Variants in SLC9C2 observed in about 807,000 individuals in gnomAD.
SLC9C2 encodes the protein sodium/hydrogen exchanger 11.
A neutral mutation model predicts 140.2 loss-of-function variants in SLC9C2; 75 were observed. That is an observed-to-expected ratio of 0.53 (90% CI 0.44 to 0.65). The LOEUF is 0.65. Among genes scored for constraint, SLC9C2 ranks in the 30% least tolerant of loss-of-function variants. The pLI is 0.00. For missense variants in SLC9C2, 1,074 were observed against 1,331.8 expected, an observed-to-expected ratio of 0.81 and a Z score of 3.01; for synonymous variants, 375 against 420.9, an observed-to-expected ratio of 0.89 and a Z score of 1.34.
intron 17 of SLC9C2, among the ~76,000 whole-genome samples, chr1:173,532,967 A>C (rs1348314401): frequency 2.0e-5 from 3 of 152,186 alleles, no homozygotes; most frequent in Non-Finnish European, 4.4e-5. Context: ...GCTGATAAGT[A>C]CTGTGGGGCA....
chr1:173,551,198 A>C (rs758046733), intron 11 of SLC9C2, among the ~76,000 whole-genome samples: 1 of 152,144 alleles, frequency 6.6e-6, no homozygotes, highest in African/African-American at 2.4e-5. Flanking sequence ...CTCCTTCAAC[A>C]TTATCCTTCC....
Position 173,537,014 on chromosome 1 carries a change from T to C in SLC9C2, c.1583A>G (p.Asn528Ser). Reference sequence around the variant, plus strand: ...GGCTGCCTCTATTTCAAGAATTCCATTGTTACGCTGTTTTTCAAAGCTACT... The same window carrying C: ...GGCTGCCTCTATTTCAAGAATTCCACTGTTACGCTGTTTTTCAAAGCTACT... The part of the protein sequence containing the change: ...QMSSFEKQRN[N>S]GILEIEAARI... Residue 528 changes from asparagine (N) to serine (S), a missense_variant, in exon 14 of 28, where the codon AAT becomes AGT. Coordinates refer to ENST00000367714, the MANE Select transcript of SLC9C2 (RefSeq NM_178527.4). The C allele has an allele frequency of 6.2e-7, 1 of 1,613,746 alleles. No individual in the cohort carries two copies. The highest frequency in any genetic ancestry group is 8.5e-7 in the Non-Finnish European group (1 of 1,179,776).
intron 14 of SLC9C2, among the ~76,000 whole-genome samples, chr1:173,536,404 T>A (rs891916270): frequency 6.6e-6 from 1 of 152,180 alleles, no homozygotes; most frequent in African/African-American, 2.4e-5. Context: ...TCATCTATTA[T>A]CTAATGTTTG....
At chr1:173,560,408 T>A (rs1664029709) in intron 9 of SLC9C2, among the ~76,000 whole-genome samples, 2 of 152,194 alleles carry the variant, frequency 1.3e-5, no homozygotes, top group African/African-American at 4.8e-5. Flanking sequence ...CCTGCCCTAC[T>A]CAAAGTTGTT....
chr1:173,546,178 A>G (rs1662834462), intron 13 of SLC9C2, among the ~76,000 whole-genome samples: 3 of 152,210 alleles, frequency 2.0e-5, no homozygotes, highest in Admixed American at 2.0e-4. Context: ...TCAAACTCTG[A>G]GAATATGTTA....
chr1:173,520,030 C>G (rs1660696586), intron 22 of SLC9C2, among the ~76,000 whole-genome samples: 2 of 152,048 alleles, frequency 1.3e-5, no homozygotes. Flanking sequence ...ATCCTGTAAT[C>G]CCAGCTACTT....
intron 24 of SLC9C2, among the ~76,000 whole-genome samples, chr1:173,508,624 G>A (rs1659818642): frequency 6.6e-6 from 1 of 152,106 alleles, no homozygotes; most frequent in South Asian, 2.1e-4. Context: ...AACCTGACTG[G>A]CTTGTATGAC....
intron 8 of SLC9C2, 120 bp downstream of exon 8, chr1:173,576,541 T>C (rs1665189986): frequency 1.7e-6 from 1 of 589,526 alleles, no homozygotes; most frequent in African/African-American, 1.9e-5. Context: ...ATAGCAAAAA[T>C]AAAATTTTCA....
At chr1:173,555,538 G>A (rs559720718) in intron 10 of SLC9C2, among the ~76,000 whole-genome samples, 1 of 152,288 alleles carries the variant, frequency 6.6e-6, no homozygotes, top group Non-Finnish European at 1.5e-5. Context: ...TAGGTCTAGG[G>A]TGGGATTCTT....
At chr1:173,597,488 A>G (rs540708511) in intron 4 of SLC9C2, among the ~76,000 whole-genome samples, 18 of 145,020 alleles carry the variant, frequency 1.2e-4, no homozygotes, top group African/African-American at 4.9e-4. Flanking sequence ...AAACAGTACA[A>G]CAGGCATGAT....
intron 7 of SLC9C2, among the ~76,000 whole-genome samples, chr1:173,577,697 T>C (rs552842699): frequency 6.6e-6 from 1 of 152,274 alleles, no homozygotes; most frequent in African/African-American, 2.4e-5. Flanking sequence ...GAAAATTAAA[T>C]TAGAAAACAT....
chr1:173,519,824 T>G (rs1660677538), intron 22 of SLC9C2, among the ~76,000 whole-genome samples: 1 of 152,138 alleles, frequency 6.6e-6, no homozygotes, highest in South Asian at 2.1e-4. Flanking sequence ...GTGAATTTTT[T>G]TTTTCTGTTC....
Position 173,567,991 on chromosome 1 carries a change from T to G in SLC9C2, c.1046+5191A>C, listed in dbSNP as rs918076642. On this transcript the variant is annotated intron_variant, in intron 9 of 27. Transcript: ENST00000367714. The stretch of plus-strand genomic sequence containing the variant: ...CTTTACCCCCCTGCTATTTAACTTT[T>G]TGTTGTTTCTTTATATCTTATTGTA... 2.6e-4 allele frequency among the ~76,000 whole-genome samples: 40 copies of G among 152,140 alleles called. 1 individual carries two copies. The highest frequency in any genetic ancestry group is 5.9e-5 in the Non-Finnish European group (4 of 67,968).
Position 173,583,553 on chromosome 1 carries a change from A to G in SLC9C2, c.593T>C (p.Phe198Ser), listed in dbSNP as rs776609988. Reference protein sequence around the residue: ...SLIICSIASIFFGNFRGNRIH... With the variant: ...SLIICSIASISFGNFRGNRIH... ...TCTGTTGCCCCGAAAATTTCCAAAA[A>G]AAATTGATGCGATGCTACAAATGAT... The change falls in exon 6 of 28, where the codon TTT (phenylalanine) becomes TCT (serine). Residue 198 changes from phenylalanine to serine, a missense_variant. Transcript: ENST00000367714. 3.7e-6 allele frequency: 6 copies of G among 1,611,780 alleles called. No homozygotes were observed. The South Asian group carries it at 5.5e-5, about 15-fold the overall frequency.
intron 9 of SLC9C2, among the ~76,000 whole-genome samples, chr1:173,562,830 T>C (rs1274599275): frequency 6.6e-6 from 1 of 152,188 alleles, no homozygotes; most frequent in African/African-American, 2.4e-5. Flanking sequence ...TATTCCAGAA[T>C]CTAAGAATGT....
At position 173,586,011 on chromosome 1, in the gene SLC9C2, CCTTT is replaced by C. The variant is rs560327038; in HGVS notation, c.523+1650_523+1653del. 4.6e-5 allele frequency among the ~76,000 whole-genome samples: 7 copies of C among 152,006 alleles called. No homozygotes were observed. The East Asian group carries it at 9.7e-4, about 21-fold the overall frequency. ...AAAAAAGAAGACTTTCTACTGTACT[CCTTT>C]TTTTGAAAAAAAATTGAATGTTGAA... On this transcript the variant is annotated intron_variant, in intron 5 of 27. Transcript: ENST00000367714.
At chr1:173,589,927 T>C (rs1190575400) in intron 4 of SLC9C2, among the ~76,000 whole-genome samples, 1 of 152,072 alleles carries the variant, frequency 6.6e-6, no homozygotes, top group Non-Finnish European at 1.5e-5. Flanking sequence ...ATGGAAAATC[T>C]ACAACTAATG....
chr1:173,570,358 C>T (rs1664762966), intron 9 of SLC9C2, among the ~76,000 whole-genome samples: 1 of 152,246 alleles, frequency 6.6e-6, no homozygotes, highest in Non-Finnish European at 1.5e-5. Context: ...GGAACTAGAG[C>T]CTGAACTGGG....
At chr1:173,525,252 T>C (rs1209516942) in intron 19 of SLC9C2, among the ~76,000 whole-genome samples, 1 of 152,186 alleles carries the variant, frequency 6.6e-6, no homozygotes, top group Non-Finnish European at 1.5e-5. Flanking sequence ...CTCCATATTG[T>C]ATAATTTTTG....
Sources: allele counts gnomAD v4.1 joint callset (sites outside exome capture counted in the v4.1 genomes callset), GRCh38; gene constraint gnomAD v4.1.1; transcripts MANE v1.5; gene names NCBI Gene and HGNC (gene_info 2026-07-23, HGNC 2026-07-21).